The following DENND2A variants were observed in gnomAD, a reference collection of about 807,000 sequenced individuals.
DENND2A encodes the protein DENN domain-containing protein 2A.
Under a neutral mutation model 105.3 loss-of-function variants are expected in DENND2A, and 53 were observed. The observed-to-expected ratio is 0.50, with a 90% CI of 0.40 to 0.63. DENND2A has a LOEUF of 0.63. Among genes scored for constraint, DENND2A ranks in the 30% least tolerant of loss-of-function variants. DENND2A has a pLI of 0.00. For synonymous variants in DENND2A, 522 were observed against 508.4 expected (o/e 1.03, Z -0.36); for missense variants, 1,138 against 1,279.6 (o/e 0.89, Z 1.69).
At chr7:140,564,862 C>A (rs1797775602) in intron 9 of DENND2A, among the ~76,000 whole-genome samples, 1 of 152,178 alleles carries the variant, frequency 6.6e-6, no homozygotes, top group Non-Finnish European at 1.5e-5. Context: ...GCCCTTCACG[C>A]CTCAGTGATC....
chr7:140,550,333 C>T (rs1015981245), intron 12 of DENND2A, among the ~76,000 whole-genome samples: 4 of 151,356 alleles, frequency 2.6e-5, no homozygotes, highest in South Asian at 2.1e-4. Context: ...GCTGGGATTA[C>T]GGACGCCCAC....
chr7:140,583,951 C>T (rs1798662843), intron 5 of DENND2A, among the ~76,000 whole-genome samples: 1 of 128,244 alleles, frequency 7.8e-6, no homozygotes, highest in Non-Finnish European at 1.6e-5. Flanking sequence ...AGTCAAATTT[C>T]AGCATTCAGG....
intron 9 of DENND2A, among the ~76,000 whole-genome samples, chr7:140,566,439 C>T (rs531264076): frequency 6.6e-6 from 1 of 152,214 alleles, no homozygotes; most frequent in Admixed American, 6.5e-5. Context: ...GATTGAGATC[C>T]CCTGCCTGTA....
At chr7:140,538,602 G>T (rs1181135959) in intron 14 of DENND2A, among the ~76,000 whole-genome samples, 1 of 152,116 alleles carries the variant, frequency 6.6e-6, no homozygotes, top group Non-Finnish European at 1.5e-5. Context: ...CACCTCCCAG[G>T]TTTAAGTGAT....
At chr7:140,577,063 C>A (rs983709795) in intron 5 of DENND2A, among the ~76,000 whole-genome samples, 5 of 152,164 alleles carry the variant, frequency 3.3e-5, no homozygotes, top group Admixed American at 6.5e-5. Flanking sequence ...TGAGTGGTCA[C>A]CCTGCTGGAG....
chr7:140,529,595 C>A (rs945405153), intron 14 of DENND2A, among the ~76,000 whole-genome samples: 5 of 152,102 alleles, frequency 3.3e-5, no homozygotes, highest in Non-Finnish European at 5.9e-5. Flanking sequence ...CACATATACA[C>A]CATGGAATAC....
At chr7:140,640,961 CTCG>C (rs1370165561), upstream of DENND2A, among the ~76,000 whole-genome samples, 1 of 151,150 alleles carries the variant, frequency 6.6e-6, no homozygotes, top group Non-Finnish European at 1.5e-5. The surrounding 1 kb of genome is among the most constrained non-coding windows in gnomAD (Gnocchi z 4.9). Flanking sequence ...TTCTGCCGGA[CTCG>C]CCCCCTCGCC....
intron 2 of DENND2A, among the ~76,000 whole-genome samples, chr7:140,602,829 C>T (rs1799566557): frequency 6.6e-6 from 1 of 151,398 alleles, no homozygotes; most frequent in Non-Finnish European, 1.5e-5. Flanking sequence ...TTTTTAAAAA[C>T]TCAATTTGTG....
chr7:140,574,663 C>T (rs1329037977), intron 5 of DENND2A, among the ~76,000 whole-genome samples: 1 of 152,202 alleles, frequency 6.6e-6, no homozygotes, highest in African/African-American at 2.4e-5. Context: ...TTGCTGAGTG[C>T]CTTTTATACA....
intron 1 of DENND2A, among the ~76,000 whole-genome samples, chr7:140,607,187 T>G (rs1032973480): frequency 1.3e-5 from 2 of 152,326 alleles, no homozygotes; most frequent in South Asian, 4.1e-4. Flanking sequence ...GTTTCCCTGC[T>G]AGGTGATGGG....
chr7:140,612,941 G>T (rs926533509), intron 1 of DENND2A, among the ~76,000 whole-genome samples: 8 of 151,198 alleles, frequency 5.3e-5, no homozygotes, highest in Non-Finnish European at 1.2e-4. Context: ...ATGGAGAAAC[G>T]CTGTCTCTAC....
intron 14 of DENND2A, among the ~76,000 whole-genome samples, chr7:140,530,792 A>G (rs776666265): frequency 2.8e-4 from 43 of 151,848 alleles, no homozygotes; most frequent in Non-Finnish European, 4.3e-4. Flanking sequence ...GTACAGTGGC[A>G]TGATCTCAGC....
chr7:140,590,430 C>T (rs1181084894), intron 3 of DENND2A, among the ~76,000 whole-genome samples: 5 of 152,048 alleles, frequency 3.3e-5, no homozygotes, highest in East Asian at 1.9e-4. Context: ...GTAATGCAAG[C>T]GGGAATCCAG....
intron 14 of DENND2A, among the ~76,000 whole-genome samples, chr7:140,533,911 C>T (rs146264406): frequency 6.6e-6 from 1 of 151,812 alleles, no homozygotes; most frequent in African/African-American, 2.4e-5. Flanking sequence ...CTGTAGCCCT[C>T]GTCAACGTTT....
chr7:140,583,686 T>C (rs1206575488), intron 5 of DENND2A, among the ~76,000 whole-genome samples: 1 of 150,340 alleles, frequency 6.7e-6, no homozygotes, highest in Non-Finnish European at 1.5e-5. Context: ...CCCCAGCACT[T>C]TGGGAGGCCA....
intron 18 of DENND2A, among the ~76,000 whole-genome samples, 173 bp from the exon 19 acceptor site, chr7:140,519,891 C>T (rs1053645922): frequency 1.3e-5 from 2 of 152,106 alleles, no homozygotes; most frequent in Non-Finnish European, 2.9e-5. Context: ...TTATAATTGC[C>T]CCACCTGTGC....
chr7:140,555,497 G>A (rs778458983), intron 12 of DENND2A, 139 bp downstream of exon 12: 3 of 736,122 alleles, frequency 4.1e-6, no homozygotes, highest in Non-Finnish European at 6.8e-6. Flanking sequence ...GGGGTGATGA[G>A]GAGAGGAGTG....
intron 1 of DENND2A, among the ~76,000 whole-genome samples, chr7:140,619,176 T>G (rs1232972565): frequency 6.6e-6 from 1 of 152,224 alleles, no homozygotes; most frequent in Non-Finnish European, 1.5e-5. Context: ...TAAATATTCA[T>G]AGCTGTTACT....
Position 140,563,851 on chromosome 7 carries a change from G to A in DENND2A, c.1779+3235C>T, listed in dbSNP as rs186493214. ...AAATAAGCTGGGCATGGTTGCATGC[G>A]CCTGTAGTCCCAGTTACTTGGGAAG... On this transcript the variant is annotated intron_variant, in intron 9 of 19. Coordinates refer to ENST00000496613, the MANE Select transcript of DENND2A (RefSeq NM_015689.5). 5.5e-4 allele frequency among the ~76,000 whole-genome samples: 83 copies of A among 152,182 alleles called. 2 individuals are homozygous for A. Among genetic ancestry groups the A allele is most frequent in the African/African-American group, 1.8e-3 (76 of 41,528 alleles).
Sources: allele counts gnomAD v4.1 joint callset (sites outside exome capture counted in the v4.1 genomes callset), GRCh38; gene constraint gnomAD v4.1.1; non-coding constraint Gnocchi (gnomAD v3.1); transcripts MANE v1.5; gene names NCBI Gene and HGNC (gene_info 2026-07-23, HGNC 2026-07-21).